DNAH11: variants seen among roughly 807,000 people sequenced by gnomAD.
DNAH11 encodes the protein axonemal beta dynein heavy chain 11.
In DNAH11, 442 loss-of-function variants were observed where a neutral mutation model predicts 526.0. The observed-to-expected ratio is 0.84, with a 90% CI of 0.78 to 0.91. DNAH11 has a LOEUF of 0.91. Among genes scored for constraint, DNAH11 ranks in the 40% least tolerant of loss-of-function variants. The pLI is 0.00. For missense variants in DNAH11, 6,989 were observed against 5,448.7 expected, an observed-to-expected ratio of 1.28 and a Z score of -8.90; for synonymous variants, 2,461 against 1,935.9, an observed-to-expected ratio of 1.27 and a Z score of -7.12.
Position 21,773,966 on chromosome 7 carries a change from C to T in DNAH11, c.9303C>T (p.Asn3101=), listed in dbSNP as rs375713138. 2.4e-5 allele frequency: 38 copies of T among 1,575,922 alleles called. 1 individual carries two copies. The Middle Eastern group carries it at 5.0e-4, about 21-fold the overall frequency. Residue 3101 remains asparagine, a synonymous_variant, in exon 56 of 82, where the codon AAC becomes AAT. Transcript: ENST00000409508. The stretch of plus-strand genomic sequence containing the variant: ...CCGAGAAAAAAGAACGCCTGGTGAA[C>T]GGCATCCAAAAGCTAAAAACCACAG... ...EVSEKKERLV[N]GIQKLKTTAS...
chr7:21,706,802 C>G (rs778123631), intron 39 of DNAH11, among the ~76,000 whole-genome samples: 2 of 152,120 alleles, frequency 1.3e-5, no homozygotes, highest in African/African-American at 2.4e-5. Context: ...TTTTCACAAC[C>G]CTTGTGAGTA....
intron 81 of DNAH11, 132 bp from the exon 82 acceptor site, chr7:21,900,861 CCGGCCAGCTCAGTA>C: frequency 9.6e-6 from 13 of 1,348,092 alleles, no homozygotes; most frequent in South Asian, 1.7e-5. Flanking sequence ...AAAGCTCAGT[CCGGCCAGCTCAGTA>C]AAAATACCAC....
rs72657354 is a variant in DNAH11 at position 21,720,857 on chromosome 7, G to A, written c.7266+1G>A. On this transcript the variant is annotated splice_donor_variant, in intron 44 of 81. Transcript: ENST00000409508. LOFTEE classifies it high-confidence loss of function. ...TGGAGGCACCCTGCTACAAGATCAG[G>A]TATGTTTAGAAATAGTTTACAGGAC... 2.5e-6 allele frequency: 4 copies of A among 1,611,606 alleles called. No homozygotes were observed. Among genetic ancestry groups the A allele is most frequent in the Non-Finnish European group, 3.4e-6 (4 of 1,178,880 alleles).
chr7:21,597,190 A>T (rs542515789), intron 14 of DNAH11, among the ~76,000 whole-genome samples: 9 of 152,070 alleles, frequency 5.9e-5, no homozygotes, highest in Non-Finnish European at 1.2e-4. Context: ...CGCTCCCTTT[A>T]TCCGAATGTG....
In DNAH11 at chr7:21,589,284, A is replaced by T. The variant is rs367670668; in HGVS notation, c.2050A>T (p.Ser684Cys). The T allele has an allele frequency of 4.9e-5, 79 of 1,609,328 alleles. No individual in the cohort carries two copies. The highest frequency in any genetic ancestry group is 6.0e-5 in the Non-Finnish European group (71 of 1,178,572). Residue 684 changes from serine (S) to cysteine (C), a missense_variant, in exon 12 of 82, where the codon AGT (serine) becomes TGT (cysteine). Transcript: ENST00000409508. ...EMTTLLDQFESRIYNEWKSNV... is the reference protein window; with the variant it reads ...EMTTLLDQFECRIYNEWKSNV... ...GACCACTTTGCTTGATCAATTTGAA[A>T]GTCGTATCTATAATGAATGGAAAAG...
At chr7:21,566,133 G>A (rs1399342028) in intron 6 of DNAH11, among the ~76,000 whole-genome samples, 3 of 152,076 alleles carry the variant, frequency 2.0e-5, no homozygotes, top group South Asian at 2.1e-4. Flanking sequence ...CCTTGTTAAC[G>A]TATGAATCAC....
intron 74 of DNAH11, among the ~76,000 whole-genome samples, chr7:21,873,924 G>A (rs1250103264): frequency 6.6e-6 from 1 of 150,456 alleles, no homozygotes; most frequent in African/African-American, 2.4e-5. Context: ...CTGAGTAGCT[G>A]TGATTACAGC....
intron 68 of DNAH11, among the ~76,000 whole-genome samples, chr7:21,856,871 A>G (rs1300155064): frequency 1.3e-5 from 2 of 152,200 alleles, no homozygotes; most frequent in Non-Finnish European, 2.9e-5. Flanking sequence ...ATCTACACCA[A>G]CATTATACTT....
At chr7:21,689,293 T>G (rs766563028) in intron 34 of DNAH11, among the ~76,000 whole-genome samples, 1 of 152,266 alleles carries the variant, frequency 6.6e-6, no homozygotes, top group Non-Finnish European at 1.5e-5. Flanking sequence ...TTTATGTAAC[T>G]GATCCATGTA....
intron 56 of DNAH11, among the ~76,000 whole-genome samples, chr7:21,778,667 G>A (rs1787791375): frequency 6.6e-6 from 1 of 152,188 alleles, no homozygotes; most frequent in African/African-American, 2.4e-5. Flanking sequence ...GGGTAAAGGA[G>A]CATGTGGTCA....
chr7:21,801,038 G>T (rs1788964667), intron 61 of DNAH11, 99 bp from the exon 62 acceptor site: 1 of 1,275,594 alleles, frequency 7.8e-7, no homozygotes, highest in African/African-American at 1.5e-5. Flanking sequence ...GGGGGAAGAG[G>T]TTTGTCCATT....
At chr7:21,583,625 C>G (rs1364547418) in intron 9 of DNAH11, among the ~76,000 whole-genome samples, 1 of 152,156 alleles carries the variant, frequency 6.6e-6, no homozygotes, top group Non-Finnish European at 1.5e-5. Context: ...GCGAAAGAAA[C>G]TATCATCAGA....
At chr7:21,758,903 C>T (rs1243484291) in intron 54 of DNAH11, among the ~76,000 whole-genome samples, 1 of 152,166 alleles carries the variant, frequency 6.6e-6, no homozygotes, top group Non-Finnish European at 1.5e-5. Context: ...TATCCCATTG[C>T]GTCAGCAGAA....
chr7:21,657,380 A>T (rs946636707), intron 29 of DNAH11, among the ~76,000 whole-genome samples: 1 of 152,134 alleles, frequency 6.6e-6, no homozygotes, highest in African/African-American at 2.4e-5. Context: ...AATTGTTGTT[A>T]TAGGGGGTTG....
intron 61 of DNAH11, among the ~76,000 whole-genome samples, chr7:21,796,282 A>T (rs1370853206): frequency 6.6e-6 from 1 of 152,206 alleles, no homozygotes; most frequent in Admixed American, 6.5e-5. Context: ...CCCAGTAGGG[A>T]TCTGTGAGCC....
chr7:21,777,241 G>T (rs1233137062), intron 56 of DNAH11, among the ~76,000 whole-genome samples: 2 of 152,136 alleles, frequency 1.3e-5, no homozygotes, highest in Non-Finnish European at 2.9e-5. Context: ...TCCAACCGAG[G>T]TATTGGGTGT....
intron 2 of DNAH11, among the ~76,000 whole-genome samples, chr7:21,550,305 C>G (rs1470999254): frequency 6.6e-6 from 1 of 152,070 alleles, no homozygotes; most frequent in Non-Finnish European, 1.5e-5. Flanking sequence ...AGTTGCCAGG[C>G]TGGAAGTAGT....
At chr7:21,627,737 C>T (rs1334442452) in intron 25 of DNAH11, among the ~76,000 whole-genome samples, 2 of 152,080 alleles carry the variant, frequency 1.3e-5, no homozygotes, top group African/African-American at 4.8e-5. Flanking sequence ...GTTCTTTTTG[C>T]TCAGGATTGC....
At chr7:21,778,479 A>G (rs973847589) in intron 56 of DNAH11, among the ~76,000 whole-genome samples, 9 of 152,184 alleles carry the variant, frequency 5.9e-5, no homozygotes, top group African/African-American at 2.2e-4. Flanking sequence ...GCATTTTAAT[A>G]TGCAGCCAAT....
Sources: gnomAD v4.1 joint callset for allele counts (sites outside exome capture counted in the v4.1 genomes callset) on GRCh38, gnomAD v4.1.1 for gene constraint, MANE v1.5 for transcripts, NCBI Gene and HGNC (gene_info 2026-07-23, HGNC 2026-07-21) for gene names.